Variants in MCU observed in about 807,000 individuals in gnomAD.
The protein encoded by MCU is calcium uniporter protein, mitochondrial.
In MCU, 12 loss-of-function variants were observed where a neutral mutation model predicts 45.2. The ratio of observed to expected loss-of-function variants is 0.27; its 90% CI spans 0.17 to 0.43. The LOEUF (loss-of-function observed/expected upper bound fraction) is 0.43. Ranked by LOEUF, MCU falls within the 20% of genes least tolerant of loss-of-function variation. The probability of loss-of-function intolerance (pLI) is 1.00; values close to 1 mark genes in which losing one functional copy is unlikely to be tolerated. For synonymous variants in MCU, 160 were observed against 165.1 expected (o/e 0.97, Z 0.24); for missense variants, 324 against 436.7 (o/e 0.74, Z 2.30).
chr10:72,763,002 C>T (rs1274173103), intron 1 of MCU, among the ~76,000 whole-genome samples: 1 of 152,084 alleles, frequency 6.6e-6, no homozygotes, highest in Non-Finnish European at 1.5e-5. Flanking sequence ...AGACTACCCA[C>T]ATTTCCTTGG....
chr10:72,726,662 TA>T (rs1019154059), intron 1 of MCU, among the ~76,000 whole-genome samples: 4 of 152,018 alleles, frequency 2.6e-5, no homozygotes, highest in Admixed American at 6.6e-5. Context: ...ATTCCTAATC[TA>T]AAAAAAATCA....
intron 1 of MCU, among the ~76,000 whole-genome samples, chr10:72,710,252 A>C (rs183713273): frequency 2.0e-5 from 3 of 152,294 alleles, no homozygotes; most frequent in African/African-American, 7.2e-5. Flanking sequence ...CTGAGATTAC[A>C]GGTGTGAGCT....
chr10:72,720,301 A>G (rs1843004071), intron 1 of MCU, among the ~76,000 whole-genome samples: 1 of 152,240 alleles, frequency 6.6e-6, no homozygotes, highest in Admixed American at 6.5e-5. Flanking sequence ...TGCTGAAGAA[A>G]TAAAGACAGG....
chr10:72,692,684 C>G (rs750393015), intron 1 of MCU: 61 of 1,213,764 alleles, frequency 5.0e-5, no homozygotes, highest in Non-Finnish European at 5.8e-5. Flanking sequence ...GTCCCCTTTC[C>G]CTCCTCCTCC....
At chr10:72,700,452 C>T (rs1056514697) in intron 1 of MCU, among the ~76,000 whole-genome samples, 2 of 152,154 alleles carry the variant, frequency 1.3e-5, no homozygotes, top group Non-Finnish European at 1.5e-5. Flanking sequence ...AAAAACCTTT[C>T]CTCTGTAGGT....
intron 1 of MCU, among the ~76,000 whole-genome samples, chr10:72,751,192 G>A (rs918193318): frequency 3.3e-4 from 50 of 151,278 alleles, no homozygotes; most frequent in African/African-American, 1.2e-3. Flanking sequence ...TGGTAGAGAT[G>A]GGGTTTCACC....
chr10:72,885,817 G>A lies in MCU; in HGVS notation c.1051G>A (p.Asp351Asn), dbSNP rs766307644. 3.4e-5 allele frequency: 55 copies of A among 1,613,122 alleles called. No homozygotes were observed. In the South Asian group the frequency reaches 4.2e-4, roughly 12 times the overall value. The change falls in exon 8 of 8, where the codon GAT becomes AAT. Residue 351 changes from aspartate (D) to asparagine (N), a missense_variant. Transcript: ENST00000373053. ...GCCTCTCCGACAAATTGGTGAAAAA[G>A]ATTGATCTGCAAAAAGCCTCTGAAT... ...HLPLRQIGEK[D>N] is the part of the protein sequence containing the mutation.
At chr10:72,717,190 T>C (rs1842965573) in intron 1 of MCU, among the ~76,000 whole-genome samples, 1 of 150,912 alleles carries the variant, frequency 6.6e-6, no homozygotes, top group African/African-American at 2.4e-5. Flanking sequence ...CACAAAGATA[T>C]GGTTGTTAAG....
intron 1 of MCU, among the ~76,000 whole-genome samples, chr10:72,825,641 T>C (rs939496062): frequency 1.9e-4 from 29 of 150,586 alleles, no homozygotes; most frequent in African/African-American, 6.8e-4. Context: ...AACAAAGAGG[T>C]TGATTTTTCA....
In MCU at chr10:72,693,169, G is replaced by C. The variant is rs865942291; in HGVS notation, c.150+868G>C. 6.3e-6 allele frequency: 7 copies of C among 1,119,790 alleles called. No homozygotes were observed. The South Asian group carries it at 9.3e-5, about 15-fold the overall frequency. 69.4% of individuals were successfully genotyped at this position (1,119,790 alleles called of 1,614,324 possible). Reference sequence around the variant, plus strand: ...GAGGATTTCTGTTTGAACACTCTTGGGTGAGTGTGTGTGTGTGTGTGTGTG... The same window carrying C: ...GAGGATTTCTGTTTGAACACTCTTGCGTGAGTGTGTGTGTGTGTGTGTGTG... On this transcript the variant is annotated intron_variant, in intron 1 of 7. Transcript: ENST00000373053.
intron 1 of MCU, among the ~76,000 whole-genome samples, chr10:72,790,900 A>T (rs1392340032): frequency 1.3e-5 from 2 of 152,188 alleles, no homozygotes; most frequent in Non-Finnish European, 2.9e-5. Context: ...AGAAACAAGG[A>T]AACATATTGT....
rs141690879 is a variant in MCU, at chr10:72,805,077, GTTTC to G, written c.151-29260_151-29257del. On this transcript the variant is annotated intron_variant, in intron 1 of 7. Coordinates refer to ENST00000373053, the MANE Select transcript of MCU (RefSeq NM_138357.3). ...GAGCCACCTCACCTGGCCCTAGTTTGTTTCTTTCTTTCTTTCTTTCTTTCTCTTT... is the reference window on the plus strand; with the variant it reads ...GAGCCACCTCACCTGGCCCTAGTTTGTTTCTTTCTTTCTTTCTTTCTCTTT... 6.8e-3 allele frequency among the ~76,000 whole-genome samples: 953 copies of G among 140,918 alleles called. 21 individuals carry two copies. The highest frequency in any genetic ancestry group is 0.018 in the African/African-American group (665 of 37,348). The allele number at this position is 140,918 out of a possible 152,430, so 92.4% of individuals were successfully genotyped here.
chr10:72,804,051 TATATATATATATATATATATATAA>T (rs1402252703), intron 1 of MCU, among the ~76,000 whole-genome samples: 73 of 75,136 alleles, frequency 9.7e-4, no homozygotes, highest in African/African-American at 5.4e-3. Flanking sequence ...TATATATATA[TATATATATATATATATATATATAA>T]AATAAGAGTG....
intron 1 of MCU, among the ~76,000 whole-genome samples, chr10:72,720,086 C>T (rs7082320): frequency 0.053 from 7,995 of 151,950 alleles, 710 homozygotes; most frequent in African/African-American, 0.18. Context: ...CTAGGTTGCC[C>T]AGCTGGTCTT....
chr10:72,868,889 T>A (rs1845498906), intron 5 of MCU, 26 bp downstream of exon 5: 1 of 1,605,920 alleles, frequency 6.2e-7, no homozygotes, highest in African/African-American at 1.3e-5. Flanking sequence ...TCAGGTTTTT[T>A]ACCTTAACCT....
At chr10:72,776,094 G>A (rs1238127308) in intron 1 of MCU, among the ~76,000 whole-genome samples, 1 of 151,958 alleles carries the variant, frequency 6.6e-6, no homozygotes, top group Non-Finnish European at 1.5e-5. Context: ...CTTGAGCCCA[G>A]GAGTTTGAAG....
At position 72,871,411 on chromosome 10, in the gene MCU, G is replaced by A; in HGVS notation, c.692G>A (p.Arg231Lys). The A allele has an allele frequency of 1.2e-6, 2 of 1,614,130 alleles. No homozygotes were observed. Among genetic ancestry groups the A allele is most frequent in the Non-Finnish European group, 8.5e-7 (1 of 1,179,984 alleles). The change falls in exon 6 of 8, where the codon AGG (arginine) becomes AAG (lysine). Residue 231 changes from arginine (R) to lysine (K), a missense_variant. Transcript: ENST00000373053. ...GAGATTAGCAGAAAAGCTGAGAAGA[G>A]GACCACTTTGGTGCTATGGGGTGGC... ...RIEISRKAEK[R>K]TTLVLWGGLA...
intron 5 of MCU, among the ~76,000 whole-genome samples, chr10:72,869,322 C>G (rs778685271): frequency 6.6e-6 from 1 of 152,244 alleles, no homozygotes; most frequent in African/African-American, 2.4e-5. Context: ...TGGTGGCTCA[C>G]GCCTGTAATC....
chr10:72,780,655 T>G (rs1045113162), intron 1 of MCU, among the ~76,000 whole-genome samples: 2 of 151,990 alleles, frequency 1.3e-5, no homozygotes, highest in African/African-American at 4.8e-5. Context: ...GGCTACTTGA[T>G]TTAGATGAAG....
Sources: allele counts gnomAD v4.1 joint callset (sites outside exome capture counted in the v4.1 genomes callset), GRCh38; gene constraint gnomAD v4.1.1; transcripts MANE v1.5; gene names NCBI Gene and HGNC (gene_info 2026-07-23, HGNC 2026-07-21).